PREPL: variants seen among roughly 807,000 people sequenced by gnomAD.
PREPL encodes prolyl endopeptidase-like.
Under a neutral mutation model 70.6 loss-of-function variants are expected in PREPL, and 77 were observed. That is an observed-to-expected ratio of 1.09 (90% confidence interval 0.91 to 1.32). The LOEUF (loss-of-function observed/expected upper bound fraction) is 1.32, where lower values mean the gene tolerates loss of function less well. PREPL is among the 40% of genes most tolerant of loss of function. The probability of loss-of-function intolerance (pLI) is 0.00; values close to 1 mark genes in which losing one functional copy is unlikely to be tolerated. For missense variants in PREPL, 1,002 were observed against 778.2 expected (o/e 1.29, Z -3.42); for synonymous variants, 315 against 264.8 (o/e 1.19, Z -1.84).
chr2:44,323,346 T>C lies in PREPL; in HGVS notation c.1545A>G (p.Leu515=). ...DTTLPLTLEE[L]EEWGNPSSDE... ...CAGATGAAGGATTCCCCCATTCTTCTAATTCTTCTAATGTCAGAGGAAGTG... is the reference window on the plus strand; with the variant it reads ...CAGATGAAGGATTCCCCCATTCTTCCAATTCTTCTAATGTCAGAGGAAGTG... Residue 515 remains leucine (L), a synonymous_variant, in exon 11 of 14, where the codon TTA becomes TTG. Transcript: ENST00000409411. 1 of 1,602,260 alleles carries C rather than the reference T, an allele frequency of 6.2e-7. No individual in the cohort carries two copies. The highest frequency in any genetic ancestry group is 8.6e-7 in the Non-Finnish European group (1 of 1,169,546).
chr2:44,341,869 A>C (rs1323307154), intron 5 of PREPL, among the ~76,000 whole-genome samples: 2 of 152,128 alleles, frequency 1.3e-5, no homozygotes, highest in African/African-American at 4.8e-5. Flanking sequence ...GCACAATAAT[A>C]CATTTTTGAG....
At position 44,320,553 on chromosome 2, in the gene PREPL, C is replaced by CG; in HGVS notation, c.*802dup. The CG allele has an allele frequency of 6.2e-7, 1 of 1,614,058 alleles. No homozygotes were observed. Among genetic ancestry groups the CG allele is most frequent in the Non-Finnish European group, 8.5e-7 (1 of 1,179,944 alleles). On this transcript the variant is annotated 3_prime_UTR_variant, in exon 14 of 14. Transcript: ENST00000409411. ...ACACAACACGAAGAATCTCCTTCAT[C>CG]GCCAAACAGCTTTCAGAGATAGATG...
chr2:44,321,825 A>G lies in PREPL; in HGVS notation c.1827+2T>C. 2 of 1,613,830 alleles carry G rather than the reference A, an allele frequency of 1.2e-6. No individual in the cohort carries two copies. Among genetic ancestry groups the G allele is most frequent in the Non-Finnish European group, 1.7e-6 (2 of 1,179,790 alleles). ...TCCACTGAGAGGGCCTTGATAACATACCTTTTTGTGAGAATCCTCAATTAC... is the reference window on the plus strand; with the variant it reads ...TCCACTGAGAGGGCCTTGATAACATGCCTTTTTGTGAGAATCCTCAATTAC... On this transcript the variant is annotated splice_donor_variant, in intron 13 of 13. Transcript: ENST00000409411. LOFTEE classifies it high-confidence loss of function.
At chr2:44,354,485 T>C (rs1676795441) in intron 1 of PREPL, among the ~76,000 whole-genome samples, 1 of 152,162 alleles carries the variant, frequency 6.6e-6, no homozygotes. Flanking sequence ...ACTATCTACA[T>C]GTAACAACTC....
At chr2:44,347,799 C>T (rs1310872014) in intron 1 of PREPL, among the ~76,000 whole-genome samples, 1 of 152,062 alleles carries the variant, frequency 6.6e-6, no homozygotes, top group Non-Finnish European at 1.5e-5. Context: ...AAAATATGTC[C>T]ATGATACTTT....
chr2:44,325,264 AAAG>A (rs1673382333), intron 10 of PREPL, among the ~76,000 whole-genome samples: 1 of 152,226 alleles, frequency 6.6e-6, no homozygotes, highest in African/African-American at 2.4e-5. Flanking sequence ...TTAGTGATTC[AAAG>A]AAGCAGTGAT....
In PREPL at chr2:44,320,715, T is replaced by G. The variant is rs551571927; in HGVS notation, c.*641A>C. The G allele has an allele frequency of 4.0e-5, 44 of 1,088,246 alleles. No individual in the cohort carries two copies. The African/African-American group carries it at 6.2e-4, about 15-fold the overall frequency. The allele number at this position is 1,088,246 out of a possible 1,614,324, so 67.4% of individuals were successfully genotyped here. ...ATTTGTAATAGCTTCATGTACAGCA[T>G]GCTGCTTGGTGAACAATCATTAATT... On this transcript the variant is annotated 3_prime_UTR_variant, in exon 14 of 14. Transcript: ENST00000409411.
chr2:44,320,435 G>C lies in PREPL; in HGVS notation c.*921C>G, dbSNP rs698761. On this transcript the variant is annotated 3_prime_UTR_variant, in exon 14 of 14. Coordinates refer to ENST00000409411, the MANE Select transcript of PREPL (RefSeq NM_001171613.2). ...TGATTTCGGGCCTTCCCGCTAAAAT[G>C]AGAATAAGGTTAAGTACCAATTCTG... 4.4e-5 allele frequency: 71 copies of C among 1,613,778 alleles called. No homozygotes were observed. Among genetic ancestry groups the C allele is most frequent in the Non-Finnish European group, 5.5e-5 (65 of 1,179,922 alleles).
At chr2:44,328,304 G>A (rs1296332132) in intron 9 of PREPL, among the ~76,000 whole-genome samples, 1 of 150,090 alleles carries the variant, frequency 6.7e-6, no homozygotes, top group African/African-American at 2.5e-5. Context: ...CAGTGTGGTG[G>A]TGTGCGCCTG....
intron 2 of PREPL, among the ~76,000 whole-genome samples, chr2:44,346,021 C>A (rs528960295): frequency 9.6e-4 from 146 of 151,944 alleles, no homozygotes; most frequent in African/African-American, 3.4e-3. Context: ...TTGCAAAAAC[C>A]AGAATTAATA....
intron 10 of PREPL, among the ~76,000 whole-genome samples, chr2:44,325,768 A>C (rs1425968304): frequency 6.6e-6 from 1 of 152,058 alleles, no homozygotes; most frequent in Non-Finnish European, 1.5e-5. Context: ...AAACTCCCCA[A>C]CCTCAAAATA....
Position 44,318,826 on chromosome 2 carries a change from C to T in PREPL, c.*2530G>A, listed in dbSNP as rs1672670224. The T allele has an allele frequency of 6.6e-6, 1 of 152,046 alleles. No homozygotes were observed. The highest frequency in any genetic ancestry group is 1.5e-5 in the Non-Finnish European group (1 of 68,002). The allele number at this position is 152,046 out of a possible 1,614,324, so 9.4% of individuals were successfully genotyped here. ...TCAATATGAAAAGCATTATATGAGA[C>T]AAAGGCAATTTTCAAAAATTGATAA... is the stretch of plus-strand genomic sequence containing the variant. On this transcript the variant is annotated 3_prime_UTR_variant, in exon 14 of 14. Coordinates refer to ENST00000409411, the MANE Select transcript of PREPL (RefSeq NM_001171613.2).
In PREPL at chr2:44,320,670, A is replaced by T; in HGVS notation, c.*686T>A. ...TTTATGAAGAGATGAAGACACTGGC[A>T]TTTCAGTGGGATTGTAAGCATTTGT... is the stretch of plus-strand genomic sequence containing the variant. On this transcript the variant is annotated 3_prime_UTR_variant, in exon 14 of 14. Transcript: ENST00000409411. The T allele has an allele frequency of 6.5e-7, 1 of 1,546,960 alleles. No homozygotes were observed. Among genetic ancestry groups the T allele is most frequent in the Non-Finnish European group, 8.9e-7 (1 of 1,119,208 alleles).
intron 1 of PREPL, among the ~76,000 whole-genome samples, chr2:44,348,736 C>G (rs1434712341): frequency 2.6e-5 from 4 of 152,152 alleles, no homozygotes; most frequent in Non-Finnish European, 4.4e-5. Context: ...TAACGAAATT[C>G]AAGCAGAACT....
rs772025933 is a variant in PREPL, at chr2:44,326,795, G to C, written c.1396C>G (p.Leu466Val). The C allele has an allele frequency of 3.1e-6, 5 of 1,614,176 alleles. No individual in the cohort carries two copies. Among genetic ancestry groups the C allele is most frequent in the Non-Finnish European group, 3.4e-6 (4 of 1,180,032 alleles). ...QGFSQPSLTTLTAFSAGGVLA... is the reference protein window; with the variant it reads ...QGFSQPSLTTVTAFSAGGVLA... ...ACCCCTCCAGCACTGAAAGCAGTCAGGGTTGTTAGACTTGGCTGAGAAAAG... is the reference window on the plus strand; with the variant it reads ...ACCCCTCCAGCACTGAAAGCAGTCACGGTTGTTAGACTTGGCTGAGAAAAG... Residue 466 changes from leucine to valine, a missense_variant, in exon 10 of 14, where the codon CTG (leucine) becomes GTG (valine). Physicochemically the swap from Leu to Val is conservative, Grantham distance 32. Coordinates refer to ENST00000409411, the MANE Select transcript of PREPL (RefSeq NM_001171613.2).
chr2:44,343,621 A>T, intron 4 of PREPL, 124 bp downstream of exon 4: 1 of 774,512 alleles, frequency 1.3e-6, no homozygotes, highest in Non-Finnish European at 2.1e-6. Context: ...AGGAAGATGT[A>T]TAGTCCATAG....
At chr2:44,353,711 G>C (rs985189579) in intron 1 of PREPL, among the ~76,000 whole-genome samples, 1 of 152,090 alleles carries the variant, frequency 6.6e-6, no homozygotes, top group African/African-American at 2.4e-5. Context: ...ATAAACCATT[G>C]AATTTATGGT....
intron 9 of PREPL, among the ~76,000 whole-genome samples, chr2:44,328,281 A>T (rs1308580327): frequency 6.7e-6 from 1 of 149,454 alleles, no homozygotes; most frequent in Non-Finnish European, 1.5e-5. Context: ...AAAAAAAAAA[A>T]AAAAAATTCA....
chr2:44,341,766 C>T (rs1675252541), intron 5 of PREPL, among the ~76,000 whole-genome samples: 1 of 151,088 alleles, frequency 6.6e-6, no homozygotes, highest in African/African-American at 2.4e-5. Flanking sequence ...ATTGTTAGTA[C>T]TTTGGGTGTA....
Sources: gnomAD v4.1 joint callset for allele counts (sites outside exome capture counted in the v4.1 genomes callset) on GRCh38, gnomAD v4.1.1 for gene constraint, MANE v1.5 for transcripts, NCBI Gene and HGNC (gene_info 2026-07-23, HGNC 2026-07-21) for gene names.